NPY5R: variants seen among roughly 807,000 people sequenced by gnomAD.
NPY5R encodes neuropeptide Y receptor type 5.
Under a neutral mutation model 24.8 loss-of-function variants are expected in NPY5R, and 21 were observed. The observed-to-expected ratio is 0.85, with a 90% CI of 0.60 to 1.22. NPY5R has a LOEUF of 1.22. Among genes scored for constraint, NPY5R ranks in the 50% most tolerant of loss-of-function variants. The pLI is 0.00. For synonymous variants in NPY5R, 175 were observed against 183.0 expected (o/e 0.96, Z 0.35); for missense variants, 481 against 521.3 (o/e 0.92, Z 0.75).
rs945769502 is a variant in NPY5R, at chr4:163,343,997, C to G, written c.-124C>G. On this transcript the variant is annotated 5_prime_UTR_variant, in exon 1 of 4. Coordinates refer to ENST00000338566, the MANE Select transcript of NPY5R (RefSeq NM_006174.4). The stretch of plus-strand genomic sequence containing the variant: ...AGGGCCTGCAGCGGCCGGGGCGCCC[C>G]GAGGTACGGGCTCCCGCCCCTCCCT... 3 of 152,404 alleles carry G rather than the reference C, an allele frequency of 2.0e-5. No individual in the cohort carries two copies. Among genetic ancestry groups the G allele is most frequent in the African/African-American group, 4.8e-5 (2 of 41,434 alleles). The allele number at this position is 152,404 out of a possible 1,614,324, so 9.4% of individuals were successfully genotyped here. A position where few individuals can be genotyped will look rare whatever the true frequency, so the allele number is the denominator to read the frequency against.
rs769907339 is a variant in NPY5R, at chr4:163,351,086, C to A, written c.813C>A (p.Leu271=). 1.2e-6 allele frequency: 2 copies of A among 1,614,002 alleles called. No individual in the cohort carries two copies. The highest frequency in any genetic ancestry group is 1.7e-6 in the Non-Finnish European group (2 of 1,180,020). ...PSKKSGPQVK[L]SGSHKWSYSF... ...AAAAGAGTGGGCCTCAGGTGAAACT[C>A]TCTGGCAGCCATAAATGGAGTTATT... The change falls in exon 4 of 4, where the codon CTC becomes CTA. Residue 271 remains leucine (L), a synonymous_variant. Transcript: ENST00000338566.
Position 163,350,358 on chromosome 4 carries a change from G to C in NPY5R, c.85G>C (p.Val29Leu). The C allele has an allele frequency of 6.2e-7, 1 of 1,612,994 alleles. No homozygotes were observed. Among genetic ancestry groups the C allele is most frequent in the Non-Finnish European group, 8.5e-7 (1 of 1,179,146 alleles). The change falls in exon 4 of 4, where the codon GTC becomes CTC. Residue 29 changes from valine to leucine, a missense_variant. Coordinates refer to ENST00000338566, the MANE Select transcript of NPY5R (RefSeq NM_006174.4). ...TGCCACTCGGAATTCTGATTTCCCAGTCTGGGATGACTATAAAAGCAGTGT... is the reference window on the plus strand; with the variant it reads ...TGCCACTCGGAATTCTGATTTCCCACTCTGGGATGACTATAAAAGCAGTGT... ...TAATRNSDFPVWDDYKSSVDD... is the reference protein window; with the variant it reads ...TAATRNSDFPLWDDYKSSVDD...
At chr4:163,345,873 C>T (rs1578951920) in intron 2 of NPY5R, 120 bp downstream of exon 2, 3 of 152,100 alleles carry the variant, frequency 2.0e-5, no homozygotes, top group African/African-American at 4.8e-5. Context: ...TTTAAACTAT[C>T]CCCTGGCTAC....
At chr4:163,349,841 G>A (rs1030232881) in intron 3 of NPY5R, among the ~76,000 whole-genome samples, 3 of 152,192 alleles carry the variant, frequency 2.0e-5, no homozygotes, top group African/African-American at 7.2e-5. Context: ...TCTGGGCTGG[G>A]CACGGTGGCT....
At chr4:163,349,251 T>C (rs1470394646) in intron 3 of NPY5R, 1 of 542,566 alleles carries the variant, frequency 1.8e-6, no homozygotes, top group Non-Finnish European at 2.4e-6. Context: ...ACTAGAGTTT[T>C]GTTTGAACGT....
chr4:163,351,187 A>G lies in NPY5R; in HGVS notation c.914A>G (p.Gln305Arg), dbSNP rs771135789. The change falls in exon 4 of 4, where the codon CAA (glutamine) becomes CGA (arginine). Residue 305 changes from glutamine to arginine, a missense_variant. Transcript: ENST00000338566. ...TTACCTGCTCCAGAAAGACCTTCTC[A>G]AGAGAACCACTCCAGAATACTTCCA... ...CVLPAPERPS[Q>R]ENHSRILPEN... is the part of the protein sequence containing the mutation. 1 of 1,613,642 alleles carries G rather than the reference A, an allele frequency of 6.2e-7. No homozygotes were observed. The highest frequency in any genetic ancestry group is 1.7e-5 in the Admixed American group (1 of 60,028).
chr4:163,350,659 C>G lies in NPY5R; in HGVS notation c.386C>G (p.Thr129Ser). ...FLQCVSVLVS[T>S]LILISIAIVR... ...CAATGTGTGTCAGTTTTGGTTTCAACTTTAATTTTAATATCAATTGCCATT... is the reference window on the plus strand; with the variant it reads ...CAATGTGTGTCAGTTTTGGTTTCAAGTTTAATTTTAATATCAATTGCCATT... Residue 129 changes from threonine to serine, a missense_variant, in exon 4 of 4, where the codon ACT becomes AGT. By Grantham distance (58) the Thr-to-Ser change is moderately conservative. Transcript: ENST00000338566. 2 of 1,614,010 alleles carry G rather than the reference C, an allele frequency of 1.2e-6. No individual in the cohort carries two copies. Among genetic ancestry groups the G allele is most frequent in the East Asian group, 2.2e-5 (1 of 44,884 alleles).
At chr4:163,349,336 AAGTG>A in intron 3 of NPY5R, 2 of 978,924 alleles carry the variant, frequency 2.0e-6, no homozygotes, top group African/African-American at 3.5e-5. Flanking sequence ...ATGGATTCCA[AAGTG>A]AGTAAGAGAT....
chr4:163,349,204 T>A, intron 3 of NPY5R: 1 of 203,812 alleles, frequency 4.9e-6, no homozygotes, highest in South Asian at 1.7e-4. Flanking sequence ...TCAAGGAGCA[T>A]AAATTTGAAC....
intron 2 of NPY5R, among the ~76,000 whole-genome samples, chr4:163,346,440 TAGAGC>T (rs1374226855): frequency 2.6e-5 from 4 of 152,182 alleles, no homozygotes; most frequent in Admixed American, 6.5e-5. Context: ...TCTTTATGCT[TAGAGC>T]AGAGCAGAGC....
At chr4:163,348,211 G>T (rs972662574) in intron 3 of NPY5R, among the ~76,000 whole-genome samples, 1 of 152,102 alleles carries the variant, frequency 6.6e-6, no homozygotes, top group African/African-American at 2.4e-5. Context: ...AACATATATT[G>T]ATAGGTAACA....
chr4:163,344,271 C>T (rs1203463477), intron 1 of NPY5R: 6 of 152,334 alleles, frequency 3.9e-5, no homozygotes, highest in African/African-American at 1.4e-4. Context: ...TGAATTCTTT[C>T]GTGCCGAGCA....
chr4:163,350,527 T>C lies in NPY5R; in HGVS notation c.254T>C (p.Phe85Ser), dbSNP rs1277344384. 3.1e-6 allele frequency: 5 copies of C among 1,614,096 alleles called. No homozygotes were observed. The Admixed American group carries it at 6.7e-5, about 22-fold the overall frequency. ...AACTTCCTCATAGGCAATCTGGCCT[T>C]TTCTGATATCTTGGTTGTGCTGTTT... ...TVNFLIGNLA[F>S]SDILVVLFCS... The change falls in exon 4 of 4, where the codon TTT becomes TCT. Residue 85 changes from phenylalanine (F) to serine (S), a missense_variant. Coordinates refer to ENST00000338566, the MANE Select transcript of NPY5R (RefSeq NM_006174.4).
At position 163,350,461 on chromosome 4, in the gene NPY5R, T is replaced by C; in HGVS notation, c.188T>C (p.Leu63Ser). ...LLGFMGNLLI[L>S]MALMKKRNQK... ...GGCTTTATGGGGAATCTACTTATTT[T>C]AATGGCTCTCATGAAAAAGCGTAAT... The change falls in exon 4 of 4, where the codon TTA (leucine) becomes TCA (serine). Residue 63 changes from leucine (L) to serine (S), a missense_variant. By Grantham distance (145) the Leu-to-Ser change is moderately radical. Transcript: ENST00000338566. 1 of 1,614,076 alleles carries C rather than the reference T, an allele frequency of 6.2e-7. No homozygotes were observed. Among genetic ancestry groups the C allele is most frequent in the Non-Finnish European group, 8.5e-7 (1 of 1,179,942 alleles).
intron 3 of NPY5R, 33 bp from the exon 4 acceptor site, chr4:163,350,232 G>C: frequency 4.0e-6 from 6 of 1,487,684 alleles, no homozygotes; most frequent in Non-Finnish European, 5.4e-6. Flanking sequence ...ATGTTTTTTT[G>C]GTTGCTGACA....
chr4:163,351,197 C>G lies in NPY5R; in HGVS notation c.924C>G (p.His308Gln), dbSNP rs761031263. Residue 308 changes from histidine (H) to glutamine (Q), a missense_variant, in exon 4 of 4, where the codon CAC becomes CAG. By Grantham distance (24) the His-to-Gln change is conservative. Coordinates refer to ENST00000338566, the MANE Select transcript of NPY5R (RefSeq NM_006174.4). Reference sequence around the variant, plus strand: ...CAGAAAGACCTTCTCAAGAGAACCACTCCAGAATACTTCCAGAAAACTTTG... The same window carrying G: ...CAGAAAGACCTTCTCAAGAGAACCAGTCCAGAATACTTCCAGAAAACTTTG... ...PAPERPSQEN[H>Q]SRILPENFGS... is the part of the protein sequence containing the mutation. 1.2e-6 allele frequency: 2 copies of G among 1,614,116 alleles called. No individual in the cohort carries two copies. Among genetic ancestry groups the G allele is most frequent in the Admixed American group, 3.3e-5 (2 of 60,028 alleles).
intron 1 of NPY5R, chr4:163,344,846 A>T (rs1413481618): frequency 6.6e-6 from 1 of 152,178 alleles, no homozygotes; most frequent in Non-Finnish European, 1.5e-5. Flanking sequence ...TAGATTTCAG[A>T]TTTCTCAAGG....
intron 1 of NPY5R, chr4:163,344,756 A>C (rs2091090532): frequency 1.3e-5 from 2 of 152,252 alleles, no homozygotes; most frequent in African/African-American, 4.8e-5. Flanking sequence ...TGTTGGACCA[A>C]AGCCAAAACG....
In NPY5R at chr4:163,350,661, T is replaced by C; in HGVS notation, c.388T>C (p.Leu130=). 1.2e-6 allele frequency: 2 copies of C among 1,614,092 alleles called. No homozygotes were observed. Among genetic ancestry groups the C allele is most frequent in the Middle Eastern group, 1.6e-4 (1 of 6,062 alleles). The change falls in exon 4 of 4, where the codon TTA becomes CTA. Residue 130 remains leucine (L), a synonymous_variant. Coordinates refer to ENST00000338566, the MANE Select transcript of NPY5R (RefSeq NM_006174.4). ...LQCVSVLVST[L]ILISIAIVRY... Reference sequence around the variant, plus strand: ...ATGTGTGTCAGTTTTGGTTTCAACTTTAATTTTAATATCAATTGCCATTGT... The same window carrying C: ...ATGTGTGTCAGTTTTGGTTTCAACTCTAATTTTAATATCAATTGCCATTGT...
Sources: allele counts gnomAD v4.1 joint callset (sites outside exome capture counted in the v4.1 genomes callset), GRCh38; gene constraint gnomAD v4.1.1; transcripts MANE v1.5; gene names NCBI Gene and HGNC (gene_info 2026-07-23, HGNC 2026-07-21).